The following MPRIP variants were observed in gnomAD, a reference collection of about 807,000 sequenced individuals.
The protein encoded by MPRIP is myosin phosphatase Rho interacting protein.
A neutral mutation model predicts 234.9 loss-of-function variants in MPRIP; 59 were observed. The observed-to-expected ratio is 0.25, with a 90% CI of 0.20 to 0.31. The LOEUF is 0.31. MPRIP is among the 10% of genes least tolerant of loss of function. MPRIP has a pLI of 1.00. For synonymous variants in MPRIP, 1,144 were observed against 1,263.9 expected, an observed-to-expected ratio of 0.91 and a Z score of 2.01; for missense variants, 2,436 against 3,071.0, an observed-to-expected ratio of 0.79 and a Z score of 4.89.
At chr17:17,179,048 G>A (rs2046317484) in intron 22 of MPRIP, among the ~76,000 whole-genome samples, 1 of 152,240 alleles carries the variant, frequency 6.6e-6, no homozygotes, top group Non-Finnish European at 1.5e-5. Context: ...GGGCGTGGTG[G>A]CACCCGCCTG....
At chr17:17,172,674 C>G in intron 17 of MPRIP, 24 bp from the exon 18 acceptor site, 5 of 1,599,320 alleles carry the variant, frequency 3.1e-6, no homozygotes, top group Non-Finnish European at 4.3e-6. Context: ...TCCCTCGGTG[C>G]TGAGGCCGTG....
At chr17:17,144,398 C>G (rs1367355857) in intron 9 of MPRIP, among the ~76,000 whole-genome samples, 1 of 152,208 alleles carries the variant, frequency 6.6e-6, no homozygotes, top group Non-Finnish European at 1.5e-5. Context: ...CTTCAGGTGT[C>G]TTGAACAAAA....
In MPRIP at chr17:17,173,888, A is replaced by C. The variant is rs751883006; in HGVS notation, c.6591-28A>C. On this transcript the variant is annotated intron_variant, in intron 18 of 23. Coordinates refer to ENST00000651222, the MANE Select transcript of MPRIP (RefSeq NM_001364716.4). ...TGAGAGGCCTTGTCCAGAAGCAGGC[A>C]GAGGAGTGAGTGCTGCCCTCTCCCC... 4.3e-6 allele frequency: 7 copies of C among 1,613,070 alleles called. 1 individual carries two copies. The South Asian group carries it at 7.7e-5, about 18-fold the overall frequency.
chr17:17,127,984 G>A (rs1409340090), intron 4 of MPRIP, among the ~76,000 whole-genome samples: 2 of 152,206 alleles, frequency 1.3e-5, no homozygotes, highest in African/African-American at 2.4e-5. Context: ...GCATTTCTGA[G>A]CACCTGGAGC....
chr17:17,098,911 C>T (rs1301960203), intron 3 of MPRIP, among the ~76,000 whole-genome samples: 1 of 152,132 alleles, frequency 6.6e-6, no homozygotes, highest in Admixed American at 6.5e-5. Flanking sequence ...CCACATTTTC[C>T]CAGCTCTGTA....
chr17:17,157,332 C>T (rs955120695), intron 13 of MPRIP, among the ~76,000 whole-genome samples: 3 of 152,240 alleles, frequency 2.0e-5, no homozygotes, highest in Non-Finnish European at 4.4e-5. Flanking sequence ...ACCTGCGCAG[C>T]TCATGTCCCG....
At chr17:17,090,098 GT>G (rs1464147067) in intron 3 of MPRIP, among the ~76,000 whole-genome samples, 1 of 152,198 alleles carries the variant, frequency 6.6e-6, no homozygotes, top group African/African-American at 2.4e-5. Context: ...GGTGAGACTG[GT>G]TTTGTGTTTC....
chr17:17,153,717 C>G (rs1321379617), intron 12 of MPRIP, among the ~76,000 whole-genome samples: 1 of 152,046 alleles, frequency 6.6e-6, no homozygotes, highest in Non-Finnish European at 1.5e-5. Context: ...GCCCTGTCCC[C>G]TGCCATCACC....
chr17:17,098,393 C>T (rs1597799873), intron 3 of MPRIP, among the ~76,000 whole-genome samples: 3 of 152,286 alleles, frequency 2.0e-5, no homozygotes, highest in Admixed American at 2.0e-4. Flanking sequence ...AGCCTCTTCC[C>T]ACCCAGGCCT....
chr17:17,138,096 C>T lies in MPRIP; in HGVS notation c.917C>T (p.Pro306Leu). ...CACAGGTACAGTTGCCCCGAGTCGC[C>T]CTCCCAGGAGCTCGGTGGTCCTCTT... is the stretch of plus-strand genomic sequence containing the variant. ...PNHRYSCPES[P>L]SQELGGPLPS... The change falls in exon 7 of 24, where the codon CCC becomes CTC. Residue 306 changes from proline to leucine, a missense_variant. By Grantham distance (98) the Pro-to-Leu change is moderately conservative (BLOSUM62 -3). Around this residue, in one of 4 missense-constraint regions of MPRIP, gnomAD observed 267 missense variants for 252.7 expected, o/e 1.06. Coordinates refer to ENST00000651222, the MANE Select transcript of MPRIP (RefSeq NM_001364716.4). This position sits in a 1 kb window ranked among gnomAD's most constrained non-coding sequence, Gnocchi z 5.8. 4 of 1,563,310 alleles carry T rather than the reference C, an allele frequency of 2.6e-6. No individual in the cohort carries two copies. The highest frequency in any genetic ancestry group is 4.8e-5 in the East Asian group (2 of 42,034).
At chr17:17,053,913 CAGTA>C (rs2088616762) in intron 1 of MPRIP, among the ~76,000 whole-genome samples, 1 of 152,178 alleles carries the variant, frequency 6.6e-6, no homozygotes, top group Admixed American at 6.5e-5. Flanking sequence ...TGTGTAAGTA[CAGTA>C]AGTCCTCACC....
At chr17:17,106,910 A>C (rs1426834968) in intron 3 of MPRIP, among the ~76,000 whole-genome samples, 1 of 152,188 alleles carries the variant, frequency 6.6e-6, no homozygotes, top group Non-Finnish European at 1.5e-5. Context: ...GGCAGATGAG[A>C]GCATCCAAGA....
rs182104879 is a variant in MPRIP, at chr17:17,043,001, C to A, written c.123+30C>A. ...GCGACTGGGGCCGGCCCGGACACCT[C>A]CGTTCTGGGAGCCGCGGGTCGGCGG... is the stretch of plus-strand genomic sequence containing the variant. On this transcript the variant is annotated intron_variant, in intron 1 of 23. Transcript: ENST00000651222. 1.1e-3 allele frequency: 1,823 copies of A among 1,601,758 alleles called. 24 individuals carry two copies. The African/African-American group carries it at 0.022, about 19-fold the overall frequency.
chr17:17,075,938 C>T (rs2089318258), intron 2 of MPRIP, 151 bp downstream of exon 2: 3 of 688,706 alleles, frequency 4.4e-6, no homozygotes, highest in South Asian at 3.7e-5. Flanking sequence ...TGCACTTGTA[C>T]GTTGTACAGA....
chr17:17,131,935 T>G (rs1334663151), intron 5 of MPRIP, among the ~76,000 whole-genome samples: 1 of 152,062 alleles, frequency 6.6e-6, no homozygotes, highest in Non-Finnish European at 1.5e-5. Context: ...CCAAGGGAAG[T>G]TTCCAGCCAG....
chr17:17,055,357 A>G (rs1046647770), intron 1 of MPRIP, among the ~76,000 whole-genome samples: 1 of 152,128 alleles, frequency 6.6e-6, no homozygotes. Flanking sequence ...TGAAATGCCC[A>G]AGGAAGGTAG....
chr17:17,182,026 C>G (rs1205073507), intron 23 of MPRIP: 2 of 152,370 alleles, frequency 1.3e-5, no homozygotes, highest in African/African-American at 4.8e-5. Context: ...GCTAGTCCTG[C>G]TGGCCCCAGC....
intron 7 of MPRIP, 64 bp from the exon 8 acceptor site, chr17:17,142,563 C>A (rs896307733): frequency 1.3e-6 from 2 of 1,575,140 alleles, no homozygotes; most frequent in Non-Finnish European, 1.7e-6. Context: ...TGGGAGGAGT[C>A]GGCTCACTGC....
At chr17:17,137,885 T>G in intron 6 of MPRIP, 31 bp from the exon 7 acceptor site, 2 of 1,527,622 alleles carry the variant, frequency 1.3e-6, no homozygotes, top group Middle Eastern at 2.3e-4. Context: ...GCAGGCTGAG[T>G]GCGTCTCCTC....
Sources: allele counts gnomAD v4.1 joint callset (sites outside exome capture counted in the v4.1 genomes callset), GRCh38; gene constraint gnomAD v4.1.1; regional missense constraint gnomAD v4.1.1; non-coding constraint Gnocchi (gnomAD v3.1); transcripts MANE v1.5; gene names NCBI Gene and HGNC (gene_info 2026-07-23, HGNC 2026-07-21).